The following XPO1 variants were observed in gnomAD, a reference collection of about 807,000 sequenced individuals.
The protein encoded by XPO1 is exportin 1, also known as exportin-1.
XPO1 carries 5 observed loss-of-function variants against 133.3 expected under a neutral mutation model. The observed-to-expected ratio is 0.04, with a 90% confidence interval of 0.02 to 0.08. The LOEUF is 0.08. Among genes scored for constraint, XPO1 ranks in the 10% least tolerant of loss-of-function variants. The pLI is 1.00. For synonymous variants in XPO1, 419 were observed against 408.2 expected, an observed-to-expected ratio of 1.03 and a Z score of -0.32; for missense variants, 506 against 1,267.5, an observed-to-expected ratio of 0.40 and a Z score of 9.12.
chr2:61,515,937 CCACACACACACACACACACACACA>C (rs35237510), intron 4 of XPO1, among the ~76,000 whole-genome samples: 1 of 110,760 alleles, frequency 9.0e-6, no homozygotes, highest in Non-Finnish European at 1.8e-5. Flanking sequence ...AAAAAAAAAA[CCACACACACACACACACACACACA>C]CACACACACA....
chr2:61,495,420 C>T, intron 11 of XPO1, 35 bp downstream of exon 11: 1 of 1,479,944 alleles, frequency 6.8e-7, no homozygotes, highest in East Asian at 2.4e-5. Context: ...GTAGGCAGAG[C>T]AGAATTTTAG....
rs1397846032 is a variant in XPO1, at chr2:61,492,131, C to T, written c.1791G>A (p.Arg597=). 1 of 1,614,170 alleles carries T rather than the reference C, an allele frequency of 6.2e-7. No homozygotes were observed. The highest frequency in any genetic ancestry group is 8.5e-7 in the Non-Finnish European group (1 of 1,180,040). Reference sequence around the variant, plus strand: ...CTCCAACCTGAACCTGAACGAAATGCCTGCGGCATTTTTGGGCTATTTTAA... The same window carrying T: ...CTCCAACCTGAACCTGAACGAAATGTCTGCGGCATTTTTGGGCTATTTTAA... ...TFIKIAQKCR[R]HFVQVQVGEV... The change falls in exon 16 of 25, where the codon AGG becomes AGA. Residue 597 remains arginine, a synonymous_variant. Transcript: ENST00000401558. The surrounding 1 kb of genome is among the most constrained non-coding windows in gnomAD (Gnocchi z 5.6).
rs373754079 is a variant in XPO1, at chr2:61,482,878, C to G, written c.2812+79G>C. The G allele has an allele frequency of 2.6e-6, 4 of 1,553,436 alleles. No individual in the cohort carries two copies. In the South Asian group the frequency reaches 4.7e-5, roughly 18 times the overall value. On this transcript the variant is annotated intron_variant, in intron 22 of 24. Coordinates refer to ENST00000401558, the MANE Select transcript of XPO1 (RefSeq NM_003400.4). Reference sequence around the variant, plus strand: ...GACCTCATAATCTCCCCGCCTCGACCTCCCAAAGTGCTGGGATTATAGGCG... The same window carrying G: ...GACCTCATAATCTCCCCGCCTCGACGTCCCAAAGTGCTGGGATTATAGGCG...
At chr2:61,490,858 T>C in intron 16 of XPO1, 82 bp from the exon 17 acceptor site, 21 of 1,534,684 alleles carry the variant, frequency 1.4e-5, no homozygotes, top group Non-Finnish European at 1.8e-5. Flanking sequence ...CACAAACGTC[T>C]TGAAACTGAT....
rs1385165186 is a variant in XPO1, at chr2:61,477,908, G to A, written c.*912C>T. On this transcript the variant is annotated 3_prime_UTR_variant, in exon 25 of 25. Coordinates refer to ENST00000401558, the MANE Select transcript of XPO1 (RefSeq NM_003400.4). ...CAAATACCCACTATCATTAATATAG[G>A]AATAAATGAGTCAATAAAGGAAAAA... is the stretch of plus-strand genomic sequence containing the variant. 2 of 214,714 alleles carry A rather than the reference G, an allele frequency of 9.3e-6. No homozygotes were observed. Among genetic ancestry groups the A allele is most frequent in the African/African-American group, 4.5e-5 (2 of 44,212 alleles). The allele number at this position is 214,714 out of a possible 1,614,324, so 13.3% of individuals were successfully genotyped here. A position where few individuals can be genotyped will look rare whatever the true frequency, so the allele number is the denominator to read the frequency against.
intron 22 of XPO1, 134 bp downstream of exon 22, chr2:61,482,823 C>A (rs1212179124): frequency 5.7e-6 from 6 of 1,051,896 alleles, no homozygotes; most frequent in Non-Finnish European, 8.3e-6. Flanking sequence ...GACAGTTTCA[C>A]CATGGTGGCC....
At chr2:61,535,058 T>A (rs1699302707) in intron 1 of XPO1, among the ~76,000 whole-genome samples, 2 of 152,256 alleles carry the variant, frequency 1.3e-5, no homozygotes, top group Non-Finnish European at 2.9e-5. Flanking sequence ...CTACTTCGCC[T>A]AAATATGCAC....
At chr2:61,528,733 TTATATATATATATATATATATATA>T (rs10528074) in intron 2 of XPO1, among the ~76,000 whole-genome samples, 24,478 of 116,022 alleles carry the variant, frequency 0.21, 2,736 homozygotes, top group African/African-American at 0.23. Context: ...GACATTTTAT[TTATATATATATATATATATATATA>T]TATATATATA....
chr2:61,482,758 A>G (rs1306573957), intron 22 of XPO1, 199 bp downstream of exon 22: 10 of 753,450 alleles, frequency 1.3e-5, no homozygotes, highest in African/African-American at 5.3e-5. Context: ...ATCACATGCC[A>G]CCATGCCCAG....
At chr2:61,511,904 T>C (rs1370308479) in intron 4 of XPO1, among the ~76,000 whole-genome samples, 4 of 151,966 alleles carry the variant, frequency 2.6e-5, no homozygotes, top group Admixed American at 2.0e-4. Flanking sequence ...GATTCTGGGA[T>C]TACAGGCACA....
intron 18 of XPO1, 71 bp downstream of exon 18, chr2:61,488,517 G>A: frequency 2.1e-6 from 3 of 1,463,364 alleles, no homozygotes; most frequent in Non-Finnish European, 2.8e-6. Context: ...AACATCAAAT[G>A]TTTGACTTAA....
At chr2:61,501,658 G>A (rs1170478230) in intron 6 of XPO1, among the ~76,000 whole-genome samples, 1 of 150,198 alleles carries the variant, frequency 6.7e-6, no homozygotes, top group Non-Finnish European at 1.5e-5. Context: ...GGGTAGCAGA[G>A]GCTGCAGTGA....
chr2:61,498,122 GGTCTC>G (rs1482555437), intron 9 of XPO1, among the ~76,000 whole-genome samples: 3 of 152,054 alleles, frequency 2.0e-5, no homozygotes, highest in Admixed American at 6.5e-5. Flanking sequence ...TTTGAGACAG[GGTCTC>G]GCTCTGTTGC....
At position 61,501,816 on chromosome 2, in the gene XPO1, G is replaced by T. The variant is rs114846009; in HGVS notation, c.408+180C>A. ...ATAAATGATGGCTTTAACGTTATTT[G>T]ATGATTACTGCCACAGCAAATTAAC... On this transcript the variant is annotated intron_variant, in intron 6 of 24. Transcript: ENST00000401558. 4.0e-3 allele frequency among the ~76,000 whole-genome samples: 607 copies of T among 151,786 alleles called. 1 individual carries two copies. Among genetic ancestry groups the T allele is most frequent in the Admixed American group, 6.6e-3 (100 of 15,238 alleles).
At chr2:61,482,595 G>T in intron 22 of XPO1, 56 bp from the exon 23 acceptor site, 2 of 1,389,282 alleles carry the variant, frequency 1.4e-6, no homozygotes, top group Non-Finnish European at 1.9e-6. Flanking sequence ...ATAGATCTTA[G>T]CGTTTTTTTT....
intron 2 of XPO1, among the ~76,000 whole-genome samples, chr2:61,528,977 G>A (rs1195283167): frequency 1.3e-5 from 2 of 151,872 alleles, no homozygotes; most frequent in Non-Finnish European, 2.9e-5. Context: ...ACCAGGTGTG[G>A]TGGCTCATGT....
chr2:61,502,965 C>CTTTTTTTTTTTTTTTTT (rs201077547), intron 4 of XPO1, among the ~76,000 whole-genome samples: 2 of 138,308 alleles, frequency 1.4e-5, no homozygotes, highest in African/African-American at 5.4e-5. Context: ...TGTTTCTTTT[C>CTTTTTTTTTTTTTTTTT]TTTTTTTTTT....
chr2:61,519,346 C>A lies in XPO1; in HGVS notation c.301+3265G>T, dbSNP rs906362023. ...AGAGACATCTAACCCACTCAAGAATCATGAGATTTTCCTGACAGTATTTAT... is the reference window on the plus strand; with the variant it reads ...AGAGACATCTAACCCACTCAAGAATAATGAGATTTTCCTGACAGTATTTAT... On this transcript the variant is annotated intron_variant, in intron 4 of 24. Coordinates refer to ENST00000401558, the MANE Select transcript of XPO1 (RefSeq NM_003400.4). Among the ~76,000 whole-genome samples the A allele has an allele frequency of 2.6e-5, 4 of 152,038 alleles. No individual in the cohort carries two copies. In the East Asian group the frequency reaches 7.7e-4, roughly 29 times the overall value.
At chr2:61,512,159 T>C (rs1698129084) in intron 4 of XPO1, among the ~76,000 whole-genome samples, 2 of 152,234 alleles carry the variant, frequency 1.3e-5, no homozygotes, top group Non-Finnish European at 2.9e-5. Flanking sequence ...ATTAGACTGA[T>C]AATTTTTGCT....
Sources: allele counts gnomAD v4.1 joint callset (sites outside exome capture counted in the v4.1 genomes callset), GRCh38; gene constraint gnomAD v4.1.1; non-coding constraint Gnocchi (gnomAD v3.1); transcripts MANE v1.5; gene names NCBI Gene and HGNC (gene_info 2026-07-23, HGNC 2026-07-21).